Variants in STAU2 observed in about 807,000 individuals in gnomAD.
The protein encoded by STAU2 is double-stranded RNA-binding protein Staufen homolog 2.
STAU2 carries 20 observed loss-of-function variants against 65.9 expected under a neutral mutation model. That is an observed-to-expected ratio of 0.30 (90% CI 0.21 to 0.44). The LOEUF (loss-of-function observed/expected upper bound fraction) is 0.44, where lower values mean the gene tolerates loss of function less well. Ranked by LOEUF, STAU2 falls within the 20% of genes least tolerant of loss-of-function variation. The probability of loss-of-function intolerance (pLI) is 1.00; values close to 1 mark genes in which losing one functional copy is unlikely to be tolerated. For missense variants in STAU2, 558 were observed against 683.9 expected, an observed-to-expected ratio of 0.82 and a Z score of 2.05; for synonymous variants, 232 against 233.9, an observed-to-expected ratio of 0.99 and a Z score of 0.07.
intron 6 of STAU2, among the ~76,000 whole-genome samples, chr8:73,636,605 G>A (rs941397242): frequency 2.0e-5 from 3 of 152,138 alleles, no homozygotes; most frequent in Non-Finnish European, 4.4e-5. Context: ...GCTCATGCCT[G>A]TAATCCCAGC....
intron 5 of STAU2, among the ~76,000 whole-genome samples, chr8:73,686,548 CAA>C (rs111707785): frequency 1.3e-4 from 13 of 97,840 alleles, no homozygotes; most frequent in Admixed American, 1.1e-4. Flanking sequence ...GACTCCCCCT[CAA>C]AAAAAAAAAA....
chr8:73,522,305 T>C (rs1485958660), intron 13 of STAU2, among the ~76,000 whole-genome samples: 3 of 152,210 alleles, frequency 2.0e-5, no homozygotes, highest in Non-Finnish European at 2.9e-5. Flanking sequence ...AAGGGTGTCA[T>C]GACAGAGTCA....
At chr8:73,442,301 G>C (rs1010862487) in intron 13 of STAU2, among the ~76,000 whole-genome samples, 1 of 150,234 alleles carries the variant, frequency 6.7e-6, no homozygotes, top group African/African-American at 2.5e-5. Flanking sequence ...TTGCAGTGAG[G>C]CGAGATTGCA....
intron 3 of STAU2, among the ~76,000 whole-genome samples, chr8:73,736,361 G>A (rs1806426169): frequency 6.6e-6 from 1 of 152,072 alleles, no homozygotes; most frequent in African/African-American, 2.4e-5. Flanking sequence ...TCTAGGACCT[G>A]GAAATATAAG....
chr8:73,613,476 T>C (rs1307787662), intron 9 of STAU2, among the ~76,000 whole-genome samples: 1 of 152,174 alleles, frequency 6.6e-6, no homozygotes, highest in Non-Finnish European at 1.5e-5. Context: ...ATAGTAAAGG[T>C]GACATGAATG....
chr8:73,535,655 G>A (rs1806133920), intron 13 of STAU2, among the ~76,000 whole-genome samples: 2 of 152,140 alleles, frequency 1.3e-5, no homozygotes, highest in South Asian at 4.1e-4. Flanking sequence ...CTATTTTGCA[G>A]TGTGCACCCA....
chr8:73,543,386 A>G (rs1368182688), intron 13 of STAU2, among the ~76,000 whole-genome samples: 2 of 152,208 alleles, frequency 1.3e-5, no homozygotes, highest in African/African-American at 4.8e-5. Context: ...ACTGTACAAT[A>G]TGGGTGTGTT....
intron 6 of STAU2, among the ~76,000 whole-genome samples, chr8:73,670,889 T>C (rs1817624325): frequency 6.6e-6 from 1 of 151,986 alleles, no homozygotes; most frequent in African/African-American, 2.4e-5. Context: ...TAAGACCACA[T>C]AAAATTTTAA....
chr8:73,729,779 T>C (rs984956374), intron 3 of STAU2, among the ~76,000 whole-genome samples: 1 of 152,212 alleles, frequency 6.6e-6, no homozygotes, highest in African/African-American at 2.4e-5. Context: ...GTAATGCGTA[T>C]TTCTAAAACT....
In STAU2 at chr8:73,538,146, TG is replaced by T. The variant is rs531147074; in HGVS notation, c.1530+13865del. Among the ~76,000 whole-genome samples the T allele has an allele frequency of 2.8e-3, 427 of 152,320 alleles. 1 individual carries two copies. Among genetic ancestry groups the T allele is most frequent in the Non-Finnish European group, 4.7e-3 (317 of 68,018 alleles). ...GCAATGTGGATCCTAGACTGGATTC[TG>T]GACCAGAAAAAGGACATTAGTAGGA... On this transcript the variant is annotated intron_variant, in intron 13 of 14. Coordinates refer to ENST00000524300, the MANE Select transcript of STAU2 (RefSeq NM_001164380.2).
intron 13 of STAU2, among the ~76,000 whole-genome samples, chr8:73,514,516 C>T (rs1337820340): frequency 6.6e-6 from 1 of 152,198 alleles, no homozygotes; most frequent in East Asian, 1.9e-4. Context: ...TCTATCCCCA[C>T]ATATTCTTTG....
At chr8:73,700,413 T>A (rs974635112) in intron 4 of STAU2, among the ~76,000 whole-genome samples, 9 of 151,952 alleles carry the variant, frequency 5.9e-5, no homozygotes, top group Non-Finnish European at 1.3e-4. Flanking sequence ...ATCTTATATT[T>A]AAAAAAACCT....
intron 13 of STAU2, among the ~76,000 whole-genome samples, chr8:73,451,863 C>G (rs1483215248): frequency 6.6e-6 from 1 of 152,208 alleles, no homozygotes; most frequent in Admixed American, 6.5e-5. Flanking sequence ...GTGTCTATTT[C>G]AAAGGGACAC....
chr8:73,513,155 T>C (rs537185247), intron 13 of STAU2, among the ~76,000 whole-genome samples: 8 of 152,346 alleles, frequency 5.3e-5, no homozygotes, highest in African/African-American at 1.9e-4. Flanking sequence ...TTTTATGTTC[T>C]TCCCTCGGGA....
intron 11 of STAU2, among the ~76,000 whole-genome samples, chr8:73,587,148 T>C (rs1336092714): frequency 6.6e-6 from 1 of 152,090 alleles, no homozygotes; most frequent in Non-Finnish European, 1.5e-5. Flanking sequence ...TTAACAGCAA[T>C]GCTGGGAGGT....
chr8:73,489,778 G>T (rs1821074261), intron 13 of STAU2, among the ~76,000 whole-genome samples: 1 of 151,990 alleles, frequency 6.6e-6, no homozygotes, highest in Non-Finnish European at 1.5e-5. Flanking sequence ...ATTGTCAGAG[G>T]ACCTCAGTGA....
chr8:73,724,536 A>G (rs539131084), intron 3 of STAU2, among the ~76,000 whole-genome samples: 107 of 152,190 alleles, frequency 7.0e-4, no homozygotes, highest in Non-Finnish European at 1.0e-3. Context: ...ATAATGAGAT[A>G]TTTAACACTT....
At chr8:73,544,597 C>G (rs944739724) in intron 13 of STAU2, among the ~76,000 whole-genome samples, 1 of 152,184 alleles carries the variant, frequency 6.6e-6, no homozygotes, top group Non-Finnish European at 1.5e-5. Flanking sequence ...ACCTTAAAAT[C>G]TGAAGTATTC....
chr8:73,683,300 A>C (rs1818561661), intron 5 of STAU2, among the ~76,000 whole-genome samples: 2 of 152,212 alleles, frequency 1.3e-5, no homozygotes, highest in South Asian at 2.1e-4. Context: ...GGATGCAGGG[A>C]TAGTTTAACG....
Sources: allele counts gnomAD v4.1 joint callset (sites outside exome capture counted in the v4.1 genomes callset), GRCh38; gene constraint gnomAD v4.1.1; transcripts MANE v1.5; gene names NCBI Gene and HGNC (gene_info 2026-07-23, HGNC 2026-07-21).